RILPL1: variants seen among roughly 807,000 people sequenced by gnomAD.
RILPL1 encodes Rab interacting lysosomal protein like 1.
RILPL1 carries 33 observed loss-of-function variants against 50.3 expected under a neutral mutation model. That is an observed-to-expected ratio of 0.66 (90% confidence interval 0.50 to 0.88). The LOEUF (loss-of-function observed/expected upper bound fraction) is 0.88. RILPL1 is among the 40% of genes least tolerant of loss of function. The pLI is 0.00. For missense variants in RILPL1, 418 were observed against 542.5 expected, an observed-to-expected ratio of 0.77 and a Z score of 2.28; for synonymous variants, 205 against 228.6, an observed-to-expected ratio of 0.90 and a Z score of 0.93.
intron 6 of RILPL1, among the ~76,000 whole-genome samples, chr12:123,477,045 C>A (rs567369775): frequency 1.3e-5 from 2 of 152,282 alleles, no homozygotes; most frequent in South Asian, 4.1e-4. Context: ...AGGGGCCAGG[C>A]AGGACGAGGG....
intron 5 of RILPL1, chr12:123,484,846 A>G: frequency 1.2e-5 from 3 of 240,270 alleles, no homozygotes; most frequent in South Asian, 5.2e-5. Context: ...TTGTGTAGAG[A>G]TGGGGGTCCC....
intron 2 of RILPL1, among the ~76,000 whole-genome samples, chr12:123,521,580 TATGTG>T (rs1885016636): frequency 1.6e-4 from 2 of 12,640 alleles, no homozygotes; most frequent in South Asian, 0.02. Flanking sequence ...TATACACACA[TATGTG>T]TATATATATA....
At chr12:123,475,530 G>A (rs1402309873) in intron 6 of RILPL1, 23 of 666,914 alleles carry the variant, frequency 3.4e-5, no homozygotes, top group South Asian at 2.6e-4. Context: ...CAACATCCAC[G>A]TCAAATGGAG....
intron 2 of RILPL1, among the ~76,000 whole-genome samples, chr12:123,514,803 T>C (rs1029743583): frequency 2.0e-5 from 3 of 152,140 alleles, no homozygotes; most frequent in African/African-American, 4.8e-5. Context: ...TTAAATGATA[T>C]ACTACATGCT....
intron 2 of RILPL1, among the ~76,000 whole-genome samples, chr12:123,507,360 C>A (rs1173847761): frequency 2.0e-5 from 3 of 151,578 alleles, no homozygotes; most frequent in African/African-American, 7.3e-5. Flanking sequence ...CCCAGGAGTT[C>A]GAGACCAGCC....
intron 1 of RILPL1, among the ~76,000 whole-genome samples, chr12:123,524,484 G>T (rs897231433): frequency 1.3e-5 from 2 of 152,124 alleles, no homozygotes; most frequent in African/African-American, 4.8e-5. Flanking sequence ...ACGCGTGCAG[G>T]TGAATGTTCC....
intron 2 of RILPL1, among the ~76,000 whole-genome samples, chr12:123,509,058 A>G (rs1263989225): frequency 1.3e-5 from 2 of 152,046 alleles, no homozygotes; most frequent in East Asian, 1.9e-4. Flanking sequence ...AATCGCTTCA[A>G]CTCAGGAGGC....
intron 6 of RILPL1, chr12:123,474,086 A>G (rs1406917931): frequency 6.6e-6 from 1 of 152,186 alleles, no homozygotes; most frequent in Non-Finnish European, 1.5e-5. Context: ...GGGTTTCACC[A>G]TGCTGACCAA....
chr12:123,533,423 G>A lies in RILPL1; in HGVS notation c.60C>T (p.Ala20=). The A allele has an allele frequency of 6.5e-7, 1 of 1,541,972 alleles. No individual in the cohort carries two copies. The highest frequency in any genetic ancestry group is 2.5e-5 in the East Asian group (1 of 40,706). ...AAESALEKNV[A]ELTVMDVYDI... is the part of the protein sequence containing the mutation. The stretch of plus-strand genomic sequence containing the variant: ...CGTACACGTCCATGACGGTCAGCTC[G>A]GCCACGTTCTTCTCCAGCGCCGACT... Residue 20 remains alanine, a synonymous_variant, in exon 1 of 7, where the codon GCC becomes GCT. Transcript: ENST00000376874. The surrounding 1 kb of genome is among the most constrained non-coding windows in gnomAD (Gnocchi z 6.2).
intron 1 of RILPL1, among the ~76,000 whole-genome samples, chr12:123,528,629 G>A (rs191609840): frequency 0.028 from 4,215 of 151,844 alleles, 71 homozygotes; most frequent in Middle Eastern, 0.048. Flanking sequence ...GGGTTTCACC[G>A]TGTTAGCCAG....
chr12:123,528,422 T>C (rs1365117947), intron 1 of RILPL1, among the ~76,000 whole-genome samples: 1 of 132,094 alleles, frequency 7.6e-6, no homozygotes, highest in Non-Finnish European at 1.6e-5. Context: ...TTGATTTTTT[T>C]GTTGTTGTTT....
chr12:123,498,211 C>G lies in RILPL1; in HGVS notation c.801+333G>C, dbSNP rs1253631823. On this transcript the variant is annotated intron_variant, in intron 4 of 6. Coordinates refer to ENST00000376874, the MANE Select transcript of RILPL1 (RefSeq NM_178314.5). The surrounding 1 kb of genome is among the most constrained non-coding windows in gnomAD (Gnocchi z 4.3). ...TCTCTCTGAGCCTCTCGTTTTTTCT[C>G]TCTCTCTCTCTCTCTTTTTTTTTTA... Among the ~76,000 whole-genome samples the G allele has an allele frequency of 6.6e-6, 1 of 151,620 alleles. No homozygotes were observed. Among genetic ancestry groups the G allele is most frequent in the Non-Finnish European group, 1.5e-5 (1 of 67,824 alleles).
intron 2 of RILPL1, chr12:123,513,910 A>T (rs1203476552): frequency 2.0e-5 from 3 of 152,158 alleles, no homozygotes; most frequent in African/African-American, 7.2e-5. Flanking sequence ...GGGAGTGAGA[A>T]TCTGGCAGTG....
At chr12:123,481,330 G>A (rs947161040) in intron 6 of RILPL1, among the ~76,000 whole-genome samples, 7 of 150,272 alleles carry the variant, frequency 4.7e-5, no homozygotes, top group African/African-American at 1.7e-4. Flanking sequence ...CTGCACTCCA[G>A]CCTCGGCAAT....
intron 4 of RILPL1, among the ~76,000 whole-genome samples, chr12:123,490,784 C>G (rs1169242983): frequency 7.2e-6 from 1 of 138,114 alleles, no homozygotes; most frequent in Non-Finnish European, 1.5e-5. Flanking sequence ...GAGTTTTGCT[C>G]TTGTTGCCCA....
At chr12:123,497,393 T>C (rs1269596690) in intron 4 of RILPL1, among the ~76,000 whole-genome samples, 1 of 151,950 alleles carries the variant, frequency 6.6e-6, no homozygotes, top group Non-Finnish European at 1.5e-5. Flanking sequence ...ATTTTCTTTT[T>C]TTGTTTTTTG....
intron 4 of RILPL1, among the ~76,000 whole-genome samples, chr12:123,493,873 C>T (rs1245284775): frequency 6.6e-6 from 1 of 151,694 alleles, no homozygotes; most frequent in African/African-American, 2.4e-5. Context: ...CAACCTCCAC[C>T]TCCCGGGTTC....
At chr12:123,499,386 G>A in intron 3 of RILPL1, 32 bp downstream of exon 3, 5 of 1,494,422 alleles carry the variant, frequency 3.3e-6, no homozygotes, top group Non-Finnish European at 4.7e-6. Flanking sequence ...CTGGCTGGGA[G>A]GGTGGACGCA....
chr12:123,485,322 A>AT lies in RILPL1; in HGVS notation c.974+310dup, dbSNP rs1882255425. The AT allele has an allele frequency of 7.2e-5, 34 of 474,974 alleles. No individual in the cohort carries two copies. Among genetic ancestry groups the AT allele is most frequent in the South Asian group, 5.3e-4 (32 of 60,438 alleles). 29.4% of individuals were successfully genotyped at this position (474,974 alleles called of 1,614,324 possible). A position where few individuals can be genotyped will look rare whatever the true frequency, so the allele number is the denominator to read the frequency against. On this transcript the variant is annotated intron_variant, in intron 5 of 6. Coordinates refer to ENST00000376874, the MANE Select transcript of RILPL1 (RefSeq NM_178314.5). The surrounding 1 kb of genome is among the most constrained non-coding windows in gnomAD (Gnocchi z 4.0). ...GGGGCCGGGTTTCATTCATTCATTC[A>AT]TTTAAAAAAAGAGATGAGGTCTCGC... is the stretch of plus-strand genomic sequence containing the variant.
Sources: allele counts gnomAD v4.1 joint callset (sites outside exome capture counted in the v4.1 genomes callset), GRCh38; gene constraint gnomAD v4.1.1; non-coding constraint Gnocchi (gnomAD v3.1); transcripts MANE v1.5; gene names NCBI Gene and HGNC (gene_info 2026-07-23, HGNC 2026-07-21).